The following FREM2 variants were observed in gnomAD, a reference collection of about 807,000 sequenced individuals.
FREM2 encodes FRAS1-related extracellular matrix protein 2.
Under a neutral mutation model 219.9 loss-of-function variants are expected in FREM2, and 119 were observed. The ratio of observed to expected loss-of-function variants is 0.54; its 90% confidence interval spans 0.47 to 0.63. The LOEUF is 0.63. Ranked by LOEUF, FREM2 falls within the 30% of genes least tolerant of loss-of-function variation. The pLI, the probability that FREM2 is intolerant of heterozygous loss-of-function variation, is 0.00. For synonymous variants in FREM2, 1,562 were observed against 1,522.8 expected, an observed-to-expected ratio of 1.03 and a Z score of -0.60; for missense variants, 4,030 against 3,993.6, an observed-to-expected ratio of 1.01 and a Z score of -0.25.
In FREM2 at chr13:38,856,117, C is replaced by A; in HGVS notation, c.6926-9C>A. 1.3e-6 allele frequency: 2 copies of A among 1,557,862 alleles called. No individual in the cohort carries two copies. The highest frequency in any genetic ancestry group is 1.8e-6 in the Non-Finnish European group (2 of 1,137,456). ...CAAATGATTTAAATCTGTGATGTTA[C>A]ATTTGTAGAAATTGAGTTTAAGGAA... On this transcript the variant is annotated splice_polypyrimidine_tract_variant and intron_variant, in intron 11 of 23. Transcript: ENST00000280481.
chr13:38,837,052 CT>C (rs1373420321), intron 6 of FREM2, among the ~76,000 whole-genome samples: 1 of 152,096 alleles, frequency 6.6e-6, no homozygotes, highest in Non-Finnish European at 1.5e-5. Context: ...GATTTTAGAC[CT>C]TTCCCGCTTT....
intron 2 of FREM2, among the ~76,000 whole-genome samples, chr13:38,757,613 T>C (rs1873065910): frequency 1.3e-5 from 2 of 151,946 alleles, no homozygotes; most frequent in Admixed American, 1.3e-4. Flanking sequence ...CTTTTTTTTT[T>C]ACATGATGTC....
intron 1 of FREM2, among the ~76,000 whole-genome samples, chr13:38,693,998 AT>A (rs1322883406): frequency 6.6e-6 from 1 of 152,212 alleles, no homozygotes; most frequent in Non-Finnish European, 1.5e-5. Context: ...AAAGGAATAT[AT>A]TAGATAATAG....
intron 6 of FREM2, among the ~76,000 whole-genome samples, chr13:38,842,785 T>TA (rs1311242615): frequency 6.6e-6 from 1 of 152,172 alleles, no homozygotes; most frequent in Non-Finnish European, 1.5e-5. Flanking sequence ...GGAAAGAACT[T>TA]AAATTGTTTC....
At chr13:38,824,081 A>G (rs1876176305) in intron 6 of FREM2, among the ~76,000 whole-genome samples, 1 of 152,156 alleles carries the variant, frequency 6.6e-6, no homozygotes, top group African/African-American at 2.4e-5. Context: ...TGAAAGGAAG[A>G]AAGAAACTTT....
intron 2 of FREM2, among the ~76,000 whole-genome samples, chr13:38,736,422 A>T (rs2137774182): frequency 6.6e-6 from 1 of 152,326 alleles, no homozygotes; most frequent in African/African-American, 2.4e-5. Context: ...GTAACCATGG[A>T]ACAGGTATTG....
At chr13:38,711,711 C>T (rs1272206626) in intron 2 of FREM2, among the ~76,000 whole-genome samples, 6 of 151,910 alleles carry the variant, frequency 3.9e-5, no homozygotes, top group Admixed American at 6.6e-5. Flanking sequence ...TTACTACTTC[C>T]CAAAAAATTT....
chr13:38,785,472 A>G (rs899820004), intron 6 of FREM2, among the ~76,000 whole-genome samples: 28 of 152,238 alleles, frequency 1.8e-4, no homozygotes, highest in African/African-American at 6.8e-4. Context: ...AGCAGAGAGC[A>G]GTAAACTGAG....
chr13:38,835,425 A>T (rs537531447), intron 6 of FREM2, among the ~76,000 whole-genome samples: 1 of 152,142 alleles, frequency 6.6e-6, no homozygotes, highest in African/African-American at 2.4e-5. Context: ...TGTCTTGGCT[A>T]TACGGGCTTT....
At chr13:38,731,386 C>T (rs1242441981) in intron 2 of FREM2, among the ~76,000 whole-genome samples, 1 of 152,020 alleles carries the variant, frequency 6.6e-6, no homozygotes, top group Non-Finnish European at 1.5e-5. Flanking sequence ...TATAAGATAC[C>T]AGTGAATATT....
At chr13:38,747,711 G>A (rs552726678) in intron 2 of FREM2, among the ~76,000 whole-genome samples, 1 of 152,202 alleles carries the variant, frequency 6.6e-6, no homozygotes, top group African/African-American at 2.4e-5. Context: ...TTCTAAAATT[G>A]ATGAGTACAG....
rs779947170 is a variant in FREM2 at position 38,880,637 on chromosome 13, A to G, written c.9360A>G (p.Val3120=). 6.2e-7 allele frequency: 1 copy of G among 1,614,092 alleles called. No individual in the cohort carries two copies. Among genetic ancestry groups the G allele is most frequent in the East Asian group, 2.2e-5 (1 of 44,870 alleles). ...SLVTVVGGTT[V]GLLTICLTVI... ...TCACTGTGGTGGGAGGCACCACGGT[A>G]GGGTTACTCACCATCTGCCTCACTG... Residue 3120 remains valine (V), a synonymous_variant, in exon 24 of 24, where the codon GTA becomes GTG. Transcript: ENST00000280481.
At position 38,815,477 on chromosome 13, in the gene FREM2, AAAG is replaced by A. The variant is rs1397218429; in HGVS notation, c.6019+30674_6019+30676del. Among the ~76,000 whole-genome samples the A allele has an allele frequency of 2.0e-5, 3 of 152,334 alleles. No homozygotes were observed. In the East Asian group the frequency reaches 5.8e-4, roughly 29 times the overall value. ...AAACCTTTAGCTAGACTAAGAAATA[AAAG>A]AAGACAAAATTAGATATTAAACAAG... On this transcript the variant is annotated intron_variant, in intron 6 of 23. Transcript: ENST00000280481.
chr13:38,832,492 C>T (rs9603442), intron 6 of FREM2, among the ~76,000 whole-genome samples: 20,068 of 151,802 alleles, frequency 0.13, 2,703 homozygotes, highest in African/African-American at 0.35. Flanking sequence ...AATCTCAGCT[C>T]TAGGAAATAA....
At position 38,692,054 on chromosome 13, in the gene FREM2, C is replaced by A. The variant is rs1344900245; in HGVS notation, c.4710C>A (p.Phe1570Leu). The A allele has an allele frequency of 6.2e-7, 1 of 1,614,202 alleles. No individual in the cohort carries two copies. Among genetic ancestry groups the A allele is most frequent in the Non-Finnish European group, 8.5e-7 (1 of 1,180,040 alleles). ...ATACTCCTGACAAGCTCCTGAAATT[C>A]ACTATCACCCAGGTGCCTATTCATG... ...DRDTPDKLLK[F>L]TITQVPIHGH... The change falls in exon 1 of 24, where the codon TTC becomes TTA. Residue 1570 changes from phenylalanine to leucine, a missense_variant. This residue lies in a region of FREM2 where 3,102 missense variants were observed against 2,950.7 expected (regional missense o/e 1.05). Coordinates refer to ENST00000280481, the MANE Select transcript of FREM2 (RefSeq NM_207361.6).
chr13:38,811,647 T>C (rs934797151), intron 6 of FREM2, among the ~76,000 whole-genome samples: 1 of 152,160 alleles, frequency 6.6e-6, no homozygotes, highest in African/African-American at 2.4e-5. Flanking sequence ...TTTTATTCTA[T>C]AGTGGTCAGA....
intron 7 of FREM2, 60 bp from the exon 8 acceptor site, chr13:38,848,401 C>A (rs1037015846): frequency 1.8e-6 from 2 of 1,124,900 alleles, no homozygotes; most frequent in Non-Finnish European, 2.7e-6. Flanking sequence ...TAATTTATGT[C>A]TTATAATTTT....
chr13:38,846,164 G>C (rs1417120771), intron 6 of FREM2, among the ~76,000 whole-genome samples: 2 of 151,504 alleles, frequency 1.3e-5, no homozygotes, highest in Non-Finnish European at 2.9e-5. Flanking sequence ...GAATAGCTCT[G>C]TTCCAGAGTG....
At chr13:38,729,252 A>G (rs1458616320) in intron 2 of FREM2, among the ~76,000 whole-genome samples, 1 of 152,132 alleles carries the variant, frequency 6.6e-6, no homozygotes, top group Non-Finnish European at 1.5e-5. Flanking sequence ...ACAGCTCATG[A>G]TTCACTCTAT....
Sources: allele counts gnomAD v4.1 joint callset (sites outside exome capture counted in the v4.1 genomes callset), GRCh38; gene constraint gnomAD v4.1.1; regional missense constraint gnomAD v4.1.1; transcripts MANE v1.5; gene names NCBI Gene and HGNC (gene_info 2026-07-23, HGNC 2026-07-21).